The following WNT2B variants were observed in gnomAD, a reference collection of about 807,000 sequenced individuals.
WNT2B encodes the protein protein Wnt-2b.
In WNT2B, 19 loss-of-function variants were observed where a neutral mutation model predicts 40.5. The observed-to-expected ratio is 0.47, with a 90% CI of 0.33 to 0.69. The LOEUF is 0.69. WNT2B is among the 30% of genes least tolerant of loss of function. The probability of loss-of-function intolerance (pLI) is 0.02; values close to 1 mark genes in which losing one functional copy is unlikely to be tolerated. For missense variants in WNT2B, 467 were observed against 556.4 expected (o/e 0.84, Z 1.62); for synonymous variants, 220 against 211.9 (o/e 1.04, Z -0.33).
intron 1 of WNT2B, among the ~76,000 whole-genome samples, chr1:112,510,624 A>G (rs928405414): frequency 2.6e-5 from 4 of 151,804 alleles, no homozygotes; most frequent in East Asian, 3.9e-4. Context: ...GCAGATTCCT[A>G]TCATTTCAAG....
Position 112,509,388 on chromosome 1 carries a change from C to T in WNT2B, c.126C>T (p.Ala42=), listed in dbSNP as rs983387808. The change falls in exon 1 of 5, where the codon GCC becomes GCT. Residue 42 remains alanine (A), a synonymous_variant. Transcript: ENST00000369684. This position sits in a 1 kb window ranked among gnomAD's most constrained non-coding sequence, Gnocchi z 4.2. ...GSRASARLGL[A]CLLLLLLLTL... ...GGGCTTCGGCCCGCCTAGGTCTTGC[C>T]TGCCTTCTGCTCCTGCTGCTGCTGA... 2.5e-6 allele frequency: 4 copies of T among 1,596,880 alleles called. No homozygotes were observed. Among genetic ancestry groups the T allele is most frequent in the Admixed American group, 3.4e-5 (2 of 59,456 alleles).
intron 1 of WNT2B, among the ~76,000 whole-genome samples, chr1:112,473,432 A>G (rs1310031136): frequency 6.6e-6 from 1 of 152,212 alleles, no homozygotes; most frequent in African/African-American, 2.4e-5. Flanking sequence ...AGAGATGAAA[A>G]TCCCAGTATC....
At chr1:112,491,948 T>A (rs1651616956) in intron 1 of WNT2B, among the ~76,000 whole-genome samples, 1 of 152,064 alleles carries the variant, frequency 6.6e-6, no homozygotes, top group African/African-American at 2.4e-5. Flanking sequence ...TTAGGGAAAA[T>A]TTAGGATATG....
intron 3 of WNT2B, 135 bp downstream of exon 3, chr1:112,516,552 G>T: frequency 8.1e-7 from 1 of 1,239,098 alleles, no homozygotes; most frequent in Non-Finnish European, 1.1e-6. Flanking sequence ...AACATCCTGG[G>T]ACAGGAGAAC....
chr1:112,508,389 T>G (rs1652195748), upstream of WNT2B, among the ~76,000 whole-genome samples: 2 of 147,006 alleles, frequency 1.4e-5, no homozygotes, highest in Non-Finnish European at 1.5e-5. The surrounding 1 kb of genome is among the most constrained non-coding windows in gnomAD (Gnocchi z 4.2). Context: ...GCATTGGGGG[T>G]GGGGGGTGCA....
chr1:112,479,626 A>T (rs1651159658), intron 1 of WNT2B, among the ~76,000 whole-genome samples: 1 of 152,206 alleles, frequency 6.6e-6, no homozygotes, highest in South Asian at 2.1e-4. Context: ...GCCAGCAGCC[A>T]ACAAGATCAC....
intron 1 of WNT2B, among the ~76,000 whole-genome samples, chr1:112,510,413 G>T (rs559214459): frequency 1.3e-4 from 20 of 151,946 alleles, no homozygotes; most frequent in Non-Finnish European, 2.8e-4. Flanking sequence ...AATCAAACTG[G>T]CCTCTTGGAC....
chr1:112,479,863 A>G (rs913446307), intron 1 of WNT2B, among the ~76,000 whole-genome samples: 2 of 151,638 alleles, frequency 1.3e-5, no homozygotes, highest in African/African-American at 4.8e-5. Flanking sequence ...GGCACCTGCT[A>G]CCATGCCCGA....
Position 112,526,146 on chromosome 1 carries a change from C to A in WNT2B, c.*5637C>A. ...AGAAATTGATACAAAATGTTCAAGC[C>A]CTGTAGGAGTCCCAGGACAGCCAAG... On this transcript the variant is annotated 3_prime_UTR_variant, in exon 5 of 5. Transcript: ENST00000369684. The A allele has an allele frequency of 1.9e-6, 3 of 1,613,514 alleles. No individual in the cohort carries two copies. The highest frequency in any genetic ancestry group is 2.5e-6 in the Non-Finnish European group (3 of 1,179,792).
intron 4 of WNT2B, among the ~76,000 whole-genome samples, chr1:112,519,105 G>C (rs1176834834): frequency 6.6e-6 from 1 of 152,136 alleles, no homozygotes; most frequent in East Asian, 1.9e-4. Context: ...CCCAGCCCTT[G>C]GAGTTAGGAG....
intron 1 of WNT2B, among the ~76,000 whole-genome samples, chr1:112,493,954 C>T (rs115632187): frequency 0.051 from 7,390 of 144,126 alleles, 251 homozygotes; most frequent in Middle Eastern, 0.096. Flanking sequence ...AAAAAAAAAA[C>T]GATATTGAAA....
At chr1:112,487,930 A>G (rs1651468685) in intron 1 of WNT2B, among the ~76,000 whole-genome samples, 1 of 52,092 alleles carries the variant, frequency 1.9e-5, no homozygotes, top group Non-Finnish European at 3.4e-5. Flanking sequence ...AGAGGCTCTG[A>G]CTCAAAAAAA....
rs1652958685 is a variant in WNT2B at position 112,522,896 on chromosome 1, G to A, written c.*2387G>A. The A allele has an allele frequency of 6.6e-6, 1 of 152,294 alleles. No homozygotes were observed. 9.4% of individuals were successfully genotyped at this position (152,294 alleles called of 1,614,324 possible). On this transcript the variant is annotated 3_prime_UTR_variant, in exon 5 of 5. Coordinates refer to ENST00000369684, the MANE Select transcript of WNT2B (RefSeq NM_024494.3). ...ATGGTGGGATTAAGGAGGGGGAAATGGGAGGGGAAGAGAACAGCTGACATC... is the reference window on the plus strand; with the variant it reads ...ATGGTGGGATTAAGGAGGGGGAAATAGGAGGGGAAGAGAACAGCTGACATC...
At chr1:112,512,513 T>C (rs1177134304) in intron 1 of WNT2B, among the ~76,000 whole-genome samples, 1 of 152,298 alleles carries the variant, frequency 6.6e-6, no homozygotes, top group East Asian at 1.9e-4. Flanking sequence ...GAGTAGTGTA[T>C]GCCTCACTTT....
intron 1 of WNT2B, among the ~76,000 whole-genome samples, chr1:112,503,950 A>C (rs186759116): frequency 5.3e-4 from 81 of 152,322 alleles, no homozygotes; most frequent in African/African-American, 1.8e-3. Flanking sequence ...GGAGGGAGGC[A>C]GGCCATGCCC....
rs1653042915 is a variant in WNT2B at position 112,524,018 on chromosome 1, A to G, written c.*3509A>G. On this transcript the variant is annotated 3_prime_UTR_variant, in exon 5 of 5. Transcript: ENST00000369684. ...CAGATTAAAAAAAAAAACAAAAAAC[A>G]AAAAACAAAAACAAACATTGCCTGG... 6.6e-6 allele frequency: 1 copy of G among 152,084 alleles called. No individual in the cohort carries two copies. Among genetic ancestry groups the G allele is most frequent in the Admixed American group, 6.5e-5 (1 of 15,268 alleles). 9.4% of individuals were successfully genotyped at this position (152,084 alleles called of 1,614,324 possible).
chr1:112,489,048 C>T (rs1570772512), intron 1 of WNT2B, among the ~76,000 whole-genome samples: 1 of 152,026 alleles, frequency 6.6e-6, no homozygotes, highest in East Asian at 1.9e-4. Context: ...AATTTGCACT[C>T]TTAAAGGTCA....
At chr1:112,508,887 C>A, upstream of WNT2B, 1 of 1,040,456 alleles carries the variant, frequency 9.6e-7, no homozygotes, top group Non-Finnish European at 1.2e-6. The surrounding 1 kb of genome is among the most constrained non-coding windows in gnomAD (Gnocchi z 4.2). Flanking sequence ...GCGGAGCCGC[C>A]CTAAGGGCCG....
At chr1:112,472,501 T>G (rs1405451332) in intron 1 of WNT2B, among the ~76,000 whole-genome samples, 1 of 149,458 alleles carries the variant, frequency 6.7e-6, no homozygotes, top group African/African-American at 2.5e-5. Context: ...GTCTCTATAG[T>G]GGGCCAAAAT....
Sources: gnomAD v4.1 joint callset for allele counts (sites outside exome capture counted in the v4.1 genomes callset) on GRCh38, gnomAD v4.1.1 for gene constraint, Gnocchi (gnomAD v3.1) non-coding constraint, MANE v1.5 for transcripts, NCBI Gene and HGNC (gene_info 2026-07-23, HGNC 2026-07-21) for gene names.